Variants in TENM4 observed in about 807,000 individuals in gnomAD.
TENM4 encodes teneurin transmembrane protein 4.
Under a neutral mutation model 243.3 loss-of-function variants are expected in TENM4, and 82 were observed. The ratio of observed to expected loss-of-function variants is 0.34; its 90% CI spans 0.28 to 0.40. The LOEUF is 0.40. Among genes scored for constraint, TENM4 ranks in the 10% least tolerant of loss-of-function variants. TENM4 has a pLI of 1.00. For synonymous variants in TENM4, 1,412 were observed against 1,456.3 expected (o/e 0.97, Z 0.69); for missense variants, 3,138 against 3,673.3 (o/e 0.85, Z 3.77).
chr11:78,975,815 T>C (rs1165805898), intron 6 of TENM4, among the ~76,000 whole-genome samples: 1 of 29,332 alleles, frequency 3.4e-5, no homozygotes, highest in South Asian at 9.8e-4. Context: ...TGTGGGAGGG[T>C]GGGAGGGCAG....
intron 2 of TENM4, among the ~76,000 whole-genome samples, chr11:79,254,997 G>A (rs560799812): frequency 5.3e-5 from 8 of 152,256 alleles, no homozygotes; most frequent in Admixed American, 2.0e-4. Flanking sequence ...CTGGAAGGGC[G>A]TCATATGCCT....
chr11:78,956,104 CG>C (rs1250947355), intron 6 of TENM4, among the ~76,000 whole-genome samples: 4 of 152,026 alleles, frequency 2.6e-5, no homozygotes, highest in Non-Finnish European at 4.4e-5. Context: ...TGTGTGTGGA[CG>C]GGGTGCTGGT....
chr11:78,903,780 T>TAAACAAC (rs1855996373), intron 6 of TENM4: 1 of 704,618 alleles, frequency 1.4e-6, no homozygotes, highest in Admixed American at 2.0e-5. Context: ...AGTGAAACAA[T>TAAACAAC]AAACAACATA....
chr11:79,427,371 AAATT>A (rs1233224237), intron 1 of TENM4, among the ~76,000 whole-genome samples: 1 of 152,228 alleles, frequency 6.6e-6, no homozygotes, highest in Non-Finnish European at 1.5e-5. Context: ...CAACAATAGA[AAATT>A]AGTTAAATAA....
In TENM4 at chr11:78,656,666, A is replaced by G. The variant is rs1394727107; in HGVS notation, c.*1392T>C. 5.6e-6 allele frequency: 1 copy of G among 178,666 alleles called. No individual in the cohort carries two copies. Among genetic ancestry groups the G allele is most frequent in the Non-Finnish European group, 1.2e-5 (1 of 85,822 alleles). The allele number at this position is 178,666 out of a possible 1,614,324, so 11.1% of individuals were successfully genotyped here. The stretch of plus-strand genomic sequence containing the variant: ...AGATCTACGGGCACCCACCTTGGGA[A>G]CTGCCCTGCTCCTGGTGGGGTTGTA... On this transcript the variant is annotated 3_prime_UTR_variant, in exon 34 of 34. Transcript: ENST00000278550.
At chr11:78,830,379 G>C (rs1273367033) in intron 12 of TENM4, among the ~76,000 whole-genome samples, 2 of 152,192 alleles carry the variant, frequency 1.3e-5, no homozygotes, top group African/African-American at 4.8e-5. Flanking sequence ...GGTGCACAAA[G>C]GAGAGGCCTC....
At chr11:79,212,020 T>C (rs1403240959) in intron 3 of TENM4, among the ~76,000 whole-genome samples, 1 of 152,216 alleles carries the variant, frequency 6.6e-6, no homozygotes, top group Non-Finnish European at 1.5e-5. Context: ...AGTCCAACTT[T>C]ATGTTTTTGC....
chr11:79,215,320 C>G (rs1258611739), intron 3 of TENM4, among the ~76,000 whole-genome samples: 4 of 152,198 alleles, frequency 2.6e-5, no homozygotes, highest in African/African-American at 7.2e-5. Context: ...TCCAGACCAC[C>G]TGCCTTCTGG....
intron 1 of TENM4, among the ~76,000 whole-genome samples, chr11:79,363,954 A>AT (rs1857632948): frequency 6.6e-6 from 1 of 152,054 alleles, no homozygotes; most frequent in African/African-American, 2.4e-5. Context: ...AGCTGAAAGA[A>AT]TTTTTTCTGG....
intron 1 of TENM4, 113 bp from the exon 2 acceptor site, chr11:79,297,656 G>A (rs1260437046): frequency 6.6e-6 from 1 of 152,440 alleles, no homozygotes; most frequent in Non-Finnish European, 1.5e-5. Flanking sequence ...CAGGTAACTG[G>A]GAAAACTGTG....
At chr11:79,174,823 T>C (rs1863125447) in intron 3 of TENM4, among the ~76,000 whole-genome samples, 1 of 152,178 alleles carries the variant, frequency 6.6e-6, no homozygotes, top group Admixed American at 6.5e-5. Flanking sequence ...GCTCATCAGG[T>C]CTAGGAGTGA....
intron 6 of TENM4, among the ~76,000 whole-genome samples, chr11:79,029,590 G>T (rs1266399808): frequency 1.3e-5 from 2 of 152,164 alleles, no homozygotes; most frequent in East Asian, 3.9e-4. Flanking sequence ...GCCCCTGGGG[G>T]AGTGGAAGGC....
chr11:78,715,400 G>C (rs1297300239), intron 25 of TENM4, among the ~76,000 whole-genome samples: 3 of 152,146 alleles, frequency 2.0e-5, no homozygotes, highest in African/African-American at 2.4e-5. Flanking sequence ...GGTCCCTGAG[G>C]GGGTATGGTG....
chr11:79,198,337 AGT>A (rs917359898), intron 3 of TENM4, among the ~76,000 whole-genome samples: 3 of 152,134 alleles, frequency 2.0e-5, no homozygotes, highest in Admixed American at 6.5e-5. Context: ...AAACTAAACA[AGT>A]GTCCAAGCTC....
chr11:79,023,765 C>A (rs936662765), intron 6 of TENM4, among the ~76,000 whole-genome samples: 1 of 152,048 alleles, frequency 6.6e-6, no homozygotes, highest in African/African-American at 2.4e-5. Context: ...GGGTGGATAC[C>A]AGGAAGAGCT....
At chr11:79,400,090 A>AAACACAC in intron 1 of TENM4, among the ~76,000 whole-genome samples, 1 of 138,584 alleles carries the variant, frequency 7.2e-6, no homozygotes, top group East Asian at 2.2e-4. Flanking sequence ...GGAGACACAT[A>AAACACAC]AACACACACC....
At chr11:79,289,023 G>A (rs765920697) in intron 2 of TENM4, among the ~76,000 whole-genome samples, 12 of 152,308 alleles carry the variant, frequency 7.9e-5, no homozygotes, top group Middle Eastern at 6.8e-3. Context: ...CCCAGGAGAC[G>A]TACAGGGAAT....
In TENM4 at chr11:78,845,611, C is replaced by T. The variant is rs151236657; in HGVS notation, c.1681+8493G>A. On this transcript the variant is annotated intron_variant, in intron 12 of 33. Coordinates refer to ENST00000278550, the MANE Select transcript of TENM4 (RefSeq NM_001098816.3). ...TAGGTTATTCCTAAGAGGGTGTTAC[C>T]GAACAGGCGGCCTCACATTTAATTA... is the stretch of plus-strand genomic sequence containing the variant. 3.5e-3 allele frequency among the ~76,000 whole-genome samples: 531 copies of T among 152,186 alleles called. 3 individuals are homozygous for T. The highest frequency in any genetic ancestry group is 6.8e-3 in the Middle Eastern group (2 of 294).
At chr11:78,859,386 C>G (rs1283968975) in intron 10 of TENM4, among the ~76,000 whole-genome samples, 2 of 152,188 alleles carry the variant, frequency 1.3e-5, no homozygotes, top group Non-Finnish European at 2.9e-5. Flanking sequence ...AAGATTAGGC[C>G]TCACAAGGCA....
Sources: allele counts gnomAD v4.1 joint callset (sites outside exome capture counted in the v4.1 genomes callset), GRCh38; gene constraint gnomAD v4.1.1; transcripts MANE v1.5; gene names NCBI Gene and HGNC (gene_info 2026-07-23, HGNC 2026-07-21).